STAU2: variants seen among roughly 807,000 people sequenced by gnomAD.
STAU2 encodes double-stranded RNA-binding protein Staufen homolog 2.
STAU2 carries 20 observed loss-of-function variants against 65.9 expected under a neutral mutation model. That is an observed-to-expected ratio of 0.30 (90% confidence interval 0.21 to 0.44). The LOEUF (loss-of-function observed/expected upper bound fraction) is 0.44, where lower values mean the gene tolerates loss of function less well. Ranked by LOEUF, STAU2 falls within the 20% of genes least tolerant of loss-of-function variation. The probability of loss-of-function intolerance (pLI) is 1.00; values close to 1 mark genes in which losing one functional copy is unlikely to be tolerated. For synonymous variants in STAU2, 232 were observed against 233.9 expected, an observed-to-expected ratio of 0.99 and a Z score of 0.07; for missense variants, 558 against 683.9, an observed-to-expected ratio of 0.82 and a Z score of 2.05.
chr8:73,644,820 A>G (rs1223284032), intron 6 of STAU2, among the ~76,000 whole-genome samples: 1 of 152,222 alleles, frequency 6.6e-6, no homozygotes, highest in East Asian at 1.9e-4. Flanking sequence ...AATTCTACAC[A>G]CAGAAATTTG....
intron 6 of STAU2, among the ~76,000 whole-genome samples, chr8:73,650,570 T>C (rs1432838656): frequency 6.6e-6 from 1 of 152,152 alleles, no homozygotes; most frequent in Non-Finnish European, 1.5e-5. Flanking sequence ...TCCTGACAAA[T>C]GATAACCCCC....
intron 10 of STAU2, among the ~76,000 whole-genome samples, chr8:73,599,354 A>G (rs1269878266): frequency 1.3e-5 from 2 of 152,230 alleles, no homozygotes; most frequent in Non-Finnish European, 2.9e-5. Flanking sequence ...AGGTATTTAA[A>G]ATGCCATATA....
At chr8:73,579,522 C>T (rs1809830656) in intron 12 of STAU2, among the ~76,000 whole-genome samples, 2 of 152,116 alleles carry the variant, frequency 1.3e-5, no homozygotes, top group South Asian at 4.1e-4. Context: ...AAATATTTTA[C>T]AAAGTTTTCC....
chr8:73,538,268 C>T (rs1238563818), intron 13 of STAU2, among the ~76,000 whole-genome samples: 2 of 152,004 alleles, frequency 1.3e-5, no homozygotes, highest in South Asian at 2.1e-4. Flanking sequence ...GGTAATATAA[C>T]CAGTAACAAT....
intron 13 of STAU2, among the ~76,000 whole-genome samples, chr8:73,473,199 G>A (rs986373656): frequency 1.2e-4 from 18 of 152,066 alleles, no homozygotes; most frequent in African/African-American, 3.6e-4. Context: ...AGGCTGACCC[G>A]GCTTCAGATG....
At chr8:73,659,462 G>A (rs1160452205) in intron 6 of STAU2, among the ~76,000 whole-genome samples, 5 of 152,108 alleles carry the variant, frequency 3.3e-5, no homozygotes, top group South Asian at 2.1e-4. Flanking sequence ...GCTTGAACCC[G>A]GGAGGCGGAG....
At position 73,613,738 on chromosome 8, in the gene STAU2, A is replaced by G; in HGVS notation, c.891+6T>C. ...AACTGACTGATGTTCACAAATATAA[A>G]CTTACCTTTACTATTGTTTTAGGGC... On this transcript the variant is annotated splice_donor_region_variant and intron_variant, in intron 9 of 14. Coordinates refer to ENST00000524300, the MANE Select transcript of STAU2 (RefSeq NM_001164380.2). 2 of 1,597,988 alleles carry G rather than the reference A, an allele frequency of 1.3e-6. No individual in the cohort carries two copies. Among genetic ancestry groups the G allele is most frequent in the Middle Eastern group, 1.7e-4 (1 of 6,008 alleles).
intron 10 of STAU2, among the ~76,000 whole-genome samples, chr8:73,600,959 T>C (rs1169526696): frequency 6.6e-6 from 1 of 152,230 alleles, no homozygotes; most frequent in Non-Finnish European, 1.5e-5. Flanking sequence ...AACACAATGG[T>C]CACTCAAAAC....
chr8:73,624,436 A>T (rs1412134758), intron 6 of STAU2, among the ~76,000 whole-genome samples: 3 of 152,224 alleles, frequency 2.0e-5, no homozygotes, highest in Non-Finnish European at 4.4e-5. Context: ...GGATATATAG[A>T]TAAATCATTA....
intron 13 of STAU2, among the ~76,000 whole-genome samples, chr8:73,436,435 C>A (rs141335597): frequency 1.3e-5 from 2 of 151,472 alleles, no homozygotes; most frequent in Non-Finnish European, 2.9e-5. Context: ...TGATTTTACA[C>A]GTATATTTAT....
chr8:73,652,412 A>G (rs1384458517), intron 6 of STAU2: 2 of 152,304 alleles, frequency 1.3e-5, no homozygotes, highest in African/African-American at 4.8e-5. Context: ...AAATTTATTA[A>G]AACTGTTATT....
At chr8:73,706,154 T>C (rs1415531116) in intron 4 of STAU2, among the ~76,000 whole-genome samples, 3 of 152,140 alleles carry the variant, frequency 2.0e-5, no homozygotes, top group Admixed American at 6.5e-5. Flanking sequence ...TCTCACTCTG[T>C]AGCCCAAACT....
rs530717781 is a variant in STAU2, at chr8:73,601,995, G to T, written c.1029+1731C>A. Among the ~76,000 whole-genome samples, 3 of 152,198 alleles carry T rather than the reference G, an allele frequency of 2.0e-5. No individual in the cohort carries two copies. The East Asian group carries it at 5.8e-4, about 29-fold the overall frequency. On this transcript the variant is annotated intron_variant, in intron 10 of 14. Coordinates refer to ENST00000524300, the MANE Select transcript of STAU2 (RefSeq NM_001164380.2). ...AAAATAATGAAACAATCATGTGCTG[G>T]ATCCTAATAACATCTTGACAATAAT...
intron 13 of STAU2, among the ~76,000 whole-genome samples, chr8:73,529,953 GA>G (rs1253002293): frequency 6.6e-6 from 1 of 152,166 alleles, no homozygotes; most frequent in Non-Finnish European, 1.5e-5. Flanking sequence ...GACTGTAAAA[GA>G]AAGAATTATG....
At chr8:73,714,771 A>G (rs1261728321) in intron 3 of STAU2, among the ~76,000 whole-genome samples, 1 of 152,098 alleles carries the variant, frequency 6.6e-6, no homozygotes, top group Non-Finnish European at 1.5e-5. Context: ...TTTTGTATAC[A>G]GAAGAAATAC....
intron 13 of STAU2, among the ~76,000 whole-genome samples, chr8:73,501,451 G>A (rs933760578): frequency 1.3e-5 from 2 of 151,772 alleles, no homozygotes; most frequent in African/African-American, 2.4e-5. Context: ...TTGCTATTAT[G>A]TTATACACCC....
At chr8:73,677,524 T>C (rs1818106131) in intron 5 of STAU2, among the ~76,000 whole-genome samples, 1 of 152,214 alleles carries the variant, frequency 6.6e-6, no homozygotes. Context: ...ACTATACCAT[T>C]AAATGCAACA....
intron 9 of STAU2, among the ~76,000 whole-genome samples, chr8:73,612,514 A>G (rs1285881830): frequency 6.6e-6 from 1 of 152,168 alleles, no homozygotes; most frequent in Non-Finnish European, 1.5e-5. Flanking sequence ...TGGAACCACT[A>G]TGACTCATGA....
chr8:73,467,798 TAA>T (rs1491509966), intron 13 of STAU2, among the ~76,000 whole-genome samples: 3 of 152,022 alleles, frequency 2.0e-5, no homozygotes, highest in Non-Finnish European at 4.4e-5. Flanking sequence ...CTCAATGAAA[TAA>T]AAGAGGATAC....
Sources: allele counts gnomAD v4.1 joint callset (sites outside exome capture counted in the v4.1 genomes callset), GRCh38; gene constraint gnomAD v4.1.1; transcripts MANE v1.5; gene names NCBI Gene and HGNC (gene_info 2026-07-23, HGNC 2026-07-21).